MAGI2: variants seen among roughly 807,000 people sequenced by gnomAD.
The protein encoded by MAGI2 is membrane associated guanylate kinase, WW and PDZ domain containing 2, also known as membrane-associated guanylate kinase, WW and PDZ domain-containing protein 2.
A neutral mutation model predicts 133.3 loss-of-function variants in MAGI2; 35 were observed. That is an observed-to-expected ratio of 0.26 (90% CI 0.20 to 0.35). The LOEUF (loss-of-function observed/expected upper bound fraction) is 0.35. Among genes scored for constraint, MAGI2 ranks in the 10% least tolerant of loss-of-function variants. MAGI2 has a pLI of 1.00. For missense variants in MAGI2, 1,636 were observed against 1,863.4 expected, an observed-to-expected ratio of 0.88 and a Z score of 2.25; for synonymous variants, 729 against 710.6, an observed-to-expected ratio of 1.03 and a Z score of -0.41.
rs573047620 is a variant in MAGI2, at chr7:78,554,005, T to C, written c.539-32360A>G. On this transcript the variant is annotated intron_variant, in intron 3 of 21. Transcript: ENST00000354212. ...TCTGCTCCATAAAATCTGTTGGTTA[T>C]ATGTATTTTCCCCCATTTCTAGTTC... Among the ~76,000 whole-genome samples the C allele has an allele frequency of 5.3e-5, 8 of 152,290 alleles. No individual in the cohort carries two copies. In the South Asian group the frequency reaches 1.4e-3, roughly 28 times the overall value.
intron 2 of MAGI2, among the ~76,000 whole-genome samples, chr7:78,748,813 T>C (rs954831314): frequency 1.3e-4 from 20 of 152,206 alleles, no homozygotes; most frequent in African/African-American, 4.8e-4. Flanking sequence ...AATTGGATTT[T>C]CCCCGAAAAT....
chr7:78,352,148 ATATT>A (rs1791585802), intron 7 of MAGI2, among the ~76,000 whole-genome samples: 1 of 152,292 alleles, frequency 6.6e-6, no homozygotes, highest in East Asian at 1.9e-4. Flanking sequence ...CATTCATCGC[ATATT>A]TATTTCCCAA....
At chr7:78,172,603 T>A (rs1465667938) in intron 14 of MAGI2, among the ~76,000 whole-genome samples, 1 of 152,266 alleles carries the variant, frequency 6.6e-6, no homozygotes, top group Non-Finnish European at 1.5e-5. Context: ...GTATGCTTTG[T>A]CTGAGCAGGA....
intron 2 of MAGI2, among the ~76,000 whole-genome samples, chr7:78,827,770 A>C (rs561853555): frequency 2.6e-5 from 4 of 152,222 alleles, no homozygotes; most frequent in Non-Finnish European, 4.4e-5. Flanking sequence ...GATATAAATA[A>C]ATGATTACAT....
chr7:78,359,921 C>A (rs1792597392), intron 7 of MAGI2, among the ~76,000 whole-genome samples: 1 of 152,182 alleles, frequency 6.6e-6, no homozygotes, highest in Non-Finnish European at 1.5e-5. Context: ...TAATTTTGCA[C>A]TAACCTGTAA....
chr7:79,288,289 T>C (rs1261720424), intron 1 of MAGI2, among the ~76,000 whole-genome samples: 2 of 152,142 alleles, frequency 1.3e-5, no homozygotes, highest in African/African-American at 4.8e-5. Flanking sequence ...GCAGGGTTGT[T>C]GGAGGATTAA....
At chr7:78,363,698 A>G (rs1297146751) in intron 7 of MAGI2, among the ~76,000 whole-genome samples, 2 of 152,050 alleles carry the variant, frequency 1.3e-5, no homozygotes, top group African/African-American at 4.8e-5. Flanking sequence ...AGCTTTCTAC[A>G]TATTATTGGT....
intron 1 of MAGI2, among the ~76,000 whole-genome samples, chr7:79,345,086 G>A (rs749722811): frequency 1.3e-5 from 2 of 151,942 alleles, no homozygotes; most frequent in African/African-American, 2.4e-5. Context: ...TGCATATGTT[G>A]AAGTCCCAAC....
chr7:78,535,895 C>T (rs539906164), intron 3 of MAGI2, among the ~76,000 whole-genome samples: 2 of 150,840 alleles, frequency 1.3e-5, no homozygotes, highest in Non-Finnish European at 3.0e-5. Flanking sequence ...ACCGCCTCCC[C>T]CCAACACTCA....
intron 2 of MAGI2, among the ~76,000 whole-genome samples, chr7:78,924,260 C>T (rs1196507239): frequency 1.3e-5 from 2 of 152,186 alleles, no homozygotes; most frequent in African/African-American, 4.8e-5. Context: ...AGAGGGCAAC[C>T]CTGTGTTGTG....
At chr7:78,057,995 A>ATGTGTGTGTGTGTGTGTGTGTGTGTGTG (rs1232878816) in intron 21 of MAGI2, among the ~76,000 whole-genome samples, 2 of 30,372 alleles carry the variant, frequency 6.6e-5, no homozygotes, top group African/African-American at 1.8e-4. Flanking sequence ...ATATATATAT[A>ATGTGTGTGTGTGTGTGTGTGTGTGTGTG]TATATATATG....
intron 2 of MAGI2, among the ~76,000 whole-genome samples, chr7:78,864,203 G>A (rs1794370839): frequency 6.6e-6 from 1 of 152,080 alleles, no homozygotes; most frequent in African/African-American, 2.4e-5. Context: ...ATATTGCCTG[G>A]CAGGTAATGG....
chr7:79,441,068 G>A (rs574674964), intron 1 of MAGI2, among the ~76,000 whole-genome samples: 3 of 152,334 alleles, frequency 2.0e-5, no homozygotes, highest in East Asian at 1.9e-4. Context: ...GGCTATAAGC[G>A]ATTTCCTAAA....
chr7:78,955,769 C>CTTTCTTTCTTTCTTTCTTTCTTTCTTTCT (rs1554310426), intron 2 of MAGI2, among the ~76,000 whole-genome samples: 1 of 116,770 alleles, frequency 8.6e-6, no homozygotes, highest in African/African-American at 3.3e-5. Context: ...TTCTTTCTTT[C>CTTTCTTTCTTTCTTTCTTTCTTTCTTTCT]TTTCTTTCTT....
chr7:78,900,153 C>G (rs1033057466), intron 2 of MAGI2, among the ~76,000 whole-genome samples: 8 of 152,174 alleles, frequency 5.3e-5, no homozygotes. Context: ...TCCATTGCTG[C>G]CACTCACGTC....
At chr7:78,158,830 C>T (rs187037998) in intron 16 of MAGI2, among the ~76,000 whole-genome samples, 4 of 152,284 alleles carry the variant, frequency 2.6e-5, no homozygotes, top group Admixed American at 2.6e-4. Flanking sequence ...CTCCTAGAGT[C>T]TGAACCTCCC....
chr7:79,062,318 C>T (rs1335271321), intron 1 of MAGI2, among the ~76,000 whole-genome samples: 2 of 152,070 alleles, frequency 1.3e-5, no homozygotes, highest in Admixed American at 6.6e-5. Flanking sequence ...CACTCTATCC[C>T]CTCTATCTAC....
chr7:78,203,500 A>G (rs1219221446), intron 10 of MAGI2, among the ~76,000 whole-genome samples: 1 of 152,160 alleles, frequency 6.6e-6, no homozygotes, highest in African/African-American at 2.4e-5. Context: ...TCATTCTTCT[A>G]AGGCTGATTC....
chr7:79,239,242 G>A (rs1416935632), intron 1 of MAGI2, among the ~76,000 whole-genome samples: 6 of 152,038 alleles, frequency 3.9e-5, no homozygotes, highest in African/African-American at 1.4e-4. Flanking sequence ...TACAGTATAA[G>A]CAGAAAAGTG....
Sources: gnomAD v4.1 joint callset for allele counts (sites outside exome capture counted in the v4.1 genomes callset) on GRCh38, gnomAD v4.1.1 for gene constraint, MANE v1.5 for transcripts, NCBI Gene and HGNC (gene_info 2026-07-23, HGNC 2026-07-21) for gene names.